LATS2: variants seen among roughly 807,000 people sequenced by gnomAD.
LATS2 encodes serine/threonine-protein kinase LATS2.
A neutral mutation model predicts 76.0 loss-of-function variants in LATS2; 24 were observed. The ratio of observed to expected loss-of-function variants is 0.32; its 90% CI spans 0.23 to 0.44. The LOEUF (loss-of-function observed/expected upper bound fraction) is 0.44. Ranked by LOEUF, LATS2 falls within the 20% of genes least tolerant of loss-of-function variation. The pLI, the probability that LATS2 is intolerant of heterozygous loss-of-function variation, is 1.00. For missense variants in LATS2, 1,286 were observed against 1,481.2 expected, an observed-to-expected ratio of 0.87 and a Z score of 2.16; for synonymous variants, 692 against 635.4, an observed-to-expected ratio of 1.09 and a Z score of -1.34.
chr13:21,016,118 T>C (rs887469535), intron 2 of LATS2, among the ~76,000 whole-genome samples: 1 of 151,192 alleles, frequency 6.6e-6, no homozygotes, highest in Non-Finnish European at 1.5e-5. Flanking sequence ...GTCTCCCGAG[T>C]AGCTGAGATT....
chr13:21,050,508 T>C (rs900080691), intron 1 of LATS2, among the ~76,000 whole-genome samples: 2 of 152,234 alleles, frequency 1.3e-5, no homozygotes, highest in African/African-American at 2.4e-5. Context: ...ACACTATATT[T>C]GCAGATTCAT....
intron 2 of LATS2, among the ~76,000 whole-genome samples, chr13:21,029,974 C>T (rs1872456544): frequency 6.6e-6 from 1 of 151,162 alleles, no homozygotes; most frequent in Admixed American, 6.6e-5. Context: ...AAATACAAAA[C>T]TTAGCAGGGC....
intron 2 of LATS2, among the ~76,000 whole-genome samples, chr13:21,023,292 C>T (rs1872146892): frequency 6.6e-6 from 1 of 151,598 alleles, no homozygotes; most frequent in Admixed American, 6.6e-5. Flanking sequence ...GAGATAGGGT[C>T]TCACTACGTC....
intron 2 of LATS2, among the ~76,000 whole-genome samples, chr13:20,994,456 T>C (rs1870654121): frequency 6.6e-6 from 1 of 152,194 alleles, no homozygotes; most frequent in African/African-American, 2.4e-5. Flanking sequence ...GGGCACAAAG[T>C]ACATGCAGAG....
At chr13:21,023,720 T>C (rs1251836090) in intron 2 of LATS2, among the ~76,000 whole-genome samples, 1 of 141,684 alleles carries the variant, frequency 7.1e-6, no homozygotes, top group Non-Finnish European at 1.5e-5. Context: ...ACGCCTGTAA[T>C]TCCAGCACTT....
intron 2 of LATS2, among the ~76,000 whole-genome samples, chr13:21,042,862 T>C (rs2138399871): frequency 6.6e-6 from 1 of 152,110 alleles, no homozygotes; most frequent in South Asian, 2.1e-4. Context: ...TGGGTGCCTG[T>C]AATCCCAGCT....
At chr13:21,055,335 T>C (rs1042770233) in intron 1 of LATS2, among the ~76,000 whole-genome samples, 1 of 152,146 alleles carries the variant, frequency 6.6e-6, no homozygotes, top group African/African-American at 2.4e-5. Context: ...TCAAGCAAAG[T>C]AAATCTAACT....
intron 2 of LATS2, among the ~76,000 whole-genome samples, chr13:21,001,748 A>G (rs1287217918): frequency 6.6e-6 from 1 of 151,984 alleles, no homozygotes; most frequent in Non-Finnish European, 1.5e-5. Flanking sequence ...TTTCACTGGC[A>G]TGTGCCTGTA....
intron 2 of LATS2, among the ~76,000 whole-genome samples, chr13:21,007,179 T>C (rs1028762680): frequency 2.0e-5 from 3 of 152,134 alleles, no homozygotes; most frequent in Non-Finnish European, 4.4e-5. Context: ...TATATACATA[T>C]TATGGGTTTA....
intron 7 of LATS2, among the ~76,000 whole-genome samples, chr13:20,978,065 G>A (rs141165084): frequency 0.01 from 1,583 of 151,988 alleles, 28 homozygotes; most frequent in African/African-American, 0.035. Flanking sequence ...ACAGGCGCCC[G>A]CCCCCATGCC....
intron 2 of LATS2, among the ~76,000 whole-genome samples, chr13:21,035,785 G>A (rs1386767724): frequency 6.6e-6 from 1 of 152,108 alleles, no homozygotes; most frequent in African/African-American, 2.4e-5. Context: ...GGGCTGCAGG[G>A]ACCAACACCA....
At chr13:21,002,871 T>G (rs1484541843) in intron 2 of LATS2, among the ~76,000 whole-genome samples, 1 of 152,042 alleles carries the variant, frequency 6.6e-6, no homozygotes. Flanking sequence ...TTCTTTAATT[T>G]CTTTTTCATT....
intron 1 of LATS2, among the ~76,000 whole-genome samples, chr13:21,053,673 T>G (rs1242761394): frequency 6.6e-6 from 1 of 152,008 alleles, no homozygotes; most frequent in Non-Finnish European, 1.5e-5. Context: ...CAGGTCTAAA[T>G]GAAACGGGCC....
At chr13:21,030,360 C>T (rs1351332895) in intron 2 of LATS2, among the ~76,000 whole-genome samples, 9 of 151,866 alleles carry the variant, frequency 5.9e-5, no homozygotes, top group African/African-American at 1.4e-4. Flanking sequence ...GAGGCCGACA[C>T]GGGTGGATCA....
rs754998895 is a variant in LATS2 at position 20,988,488 on chromosome 13, G to A, written c.1292C>T (p.Thr431Ile). 2 of 1,548,616 alleles carry A rather than the reference G, an allele frequency of 1.3e-6. No individual in the cohort carries two copies. The highest frequency in any genetic ancestry group is 1.7e-6 in the Non-Finnish European group (2 of 1,154,830). ...GTGCGCGGCCGTGACAGCCGTCACG[G>A]TGTTGGGGGCGGGCAGGGAGGGCTC... ...KAEPSLPAPN[T>I]VTAVTAAHIL... Residue 431 changes from threonine to isoleucine, a missense_variant, in exon 4 of 8, where the codon ACC becomes ATC. Coordinates refer to ENST00000382592, the MANE Select transcript of LATS2 (RefSeq NM_014572.3).
chr13:21,028,724 C>T (rs150403621), intron 2 of LATS2, among the ~76,000 whole-genome samples: 3 of 152,278 alleles, frequency 2.0e-5, no homozygotes, highest in Non-Finnish European at 2.9e-5. Flanking sequence ...GCATGCACCA[C>T]CACGCCCTGC....
At chr13:20,986,292 T>C (rs954465406) in intron 4 of LATS2, among the ~76,000 whole-genome samples, 1 of 152,090 alleles carries the variant, frequency 6.6e-6, no homozygotes, top group African/African-American at 2.4e-5. Context: ...GGAAAGGAAA[T>C]CAGTATATCA....
At chr13:21,010,784 C>T (rs917296680) in intron 2 of LATS2, among the ~76,000 whole-genome samples, 4 of 152,180 alleles carry the variant, frequency 2.6e-5, no homozygotes, top group Non-Finnish European at 5.9e-5. Flanking sequence ...GCTGCCTGTT[C>T]CTGTTTACCC....
chr13:21,049,165 G>C (rs1024276729), intron 1 of LATS2, among the ~76,000 whole-genome samples: 2 of 152,200 alleles, frequency 1.3e-5, no homozygotes, highest in African/African-American at 4.8e-5. Context: ...GGAGGTCAAA[G>C]GACTCGGGGG....
Sources: allele counts gnomAD v4.1 joint callset (sites outside exome capture counted in the v4.1 genomes callset), GRCh38; gene constraint gnomAD v4.1.1; transcripts MANE v1.5; gene names NCBI Gene and HGNC (gene_info 2026-07-23, HGNC 2026-07-21).